The following NALF1 variants were observed in gnomAD, a reference collection of about 807,000 sequenced individuals.
NALF1 encodes the protein NALCN channel auxiliary factor 1, also known as family with sequence similarity 155 member A.
NALF1 carries 3 observed loss-of-function variants against 48.4 expected under a neutral mutation model. That is an observed-to-expected ratio of 0.06 (90% CI 0.03 to 0.16). The LOEUF (loss-of-function observed/expected upper bound fraction) is 0.16. Ranked by LOEUF, NALF1 falls within the 10% of genes least tolerant of loss-of-function variation. The probability of loss-of-function intolerance (pLI) is 1.00; values close to 1 mark genes in which losing one functional copy is unlikely to be tolerated. For missense variants in NALF1, 526 were observed against 571.5 expected (o/e 0.92, Z 0.81); for synonymous variants, 262 against 245.7 (o/e 1.07, Z -0.62).
At chr13:107,430,794 T>C (rs552792390) in intron 1 of NALF1, among the ~76,000 whole-genome samples, 1 of 152,332 alleles carries the variant, frequency 6.6e-6, no homozygotes, top group East Asian at 1.9e-4. Context: ...GCATGATTTA[T>C]AGTCCTTTGG....
chr13:107,581,352 A>G (rs1287521615), intron 1 of NALF1, among the ~76,000 whole-genome samples: 1 of 152,180 alleles, frequency 6.6e-6, no homozygotes, highest in African/African-American at 2.4e-5. Context: ...TTAGTGCACT[A>G]TCATTCCGTA....
At chr13:107,304,177 CCT>C (rs1881893124) in intron 1 of NALF1, among the ~76,000 whole-genome samples, 2 of 152,010 alleles carry the variant, frequency 1.3e-5, no homozygotes, top group African/African-American at 2.4e-5. Flanking sequence ...AATTAGGCAC[CCT>C]GTATTTCCAT....
At chr13:107,297,152 T>C (rs1018067104) in intron 1 of NALF1, among the ~76,000 whole-genome samples, 35 of 152,264 alleles carry the variant, frequency 2.3e-4, no homozygotes, top group Middle Eastern at 3.4e-3. Flanking sequence ...CAATTTTTAT[T>C]ACAATATTCT....
At chr13:107,654,885 T>C (rs1420395000) in intron 1 of NALF1, among the ~76,000 whole-genome samples, 1 of 151,818 alleles carries the variant, frequency 6.6e-6, no homozygotes, top group Admixed American at 6.6e-5. Flanking sequence ...TAAATGGAAT[T>C]AAAAACAAAA....
chr13:107,472,323 C>T (rs544764390), intron 1 of NALF1, among the ~76,000 whole-genome samples: 3 of 152,216 alleles, frequency 2.0e-5, no homozygotes, highest in Admixed American at 2.0e-4. Flanking sequence ...AGCGAGACTC[C>T]CTCTCAAAAC....
intron 2 of NALF1, among the ~76,000 whole-genome samples, chr13:107,192,977 A>G (rs1351537178): frequency 6.6e-6 from 1 of 152,222 alleles, no homozygotes; most frequent in Non-Finnish European, 1.5e-5. Context: ...TTATGTAGCA[A>G]AAAATAAAAA....
chr13:107,293,730 C>T (rs989636016), intron 1 of NALF1, among the ~76,000 whole-genome samples: 2 of 152,158 alleles, frequency 1.3e-5, no homozygotes, highest in East Asian at 1.9e-4. Context: ...ACCCTCAGAA[C>T]CTCAGGAATA....
Position 107,606,725 on chromosome 13 carries a change from T to C in NALF1, c.915+258957A>G, listed in dbSNP as rs189797501. 8.2e-4 allele frequency among the ~76,000 whole-genome samples: 125 copies of C among 152,248 alleles called. 1 individual carries two copies. Among genetic ancestry groups the C allele is most frequent in the Non-Finnish European group, 1.4e-3 (98 of 68,012 alleles). ...TATTTGTTGACAAATTAAAAAAAAA[T>C]TACACTGTAAACTTAATGCAAAATT... On this transcript the variant is annotated intron_variant, in intron 1 of 2. Coordinates refer to ENST00000375915, the MANE Select transcript of NALF1 (RefSeq NM_001080396.3).
At chr13:107,778,821 C>T (rs78410651) in intron 1 of NALF1, among the ~76,000 whole-genome samples, 3,615 of 152,232 alleles carry the variant, frequency 0.024, 116 homozygotes, top group African/African-American at 0.083. Flanking sequence ...CCTGTTGTTA[C>T]TTGATGATTC....
chr13:107,170,433 T>G lies in NALF1; in HGVS notation c.*64A>C, dbSNP rs1594052557. 2.2e-5 allele frequency: 33 copies of G among 1,507,144 alleles called. No homozygotes were observed. Among genetic ancestry groups the G allele is most frequent in the Non-Finnish European group, 2.6e-5 (29 of 1,115,572 alleles). The allele number at this position is 1,507,144 out of a possible 1,614,324, so 93.4% of individuals were successfully genotyped here. A position where few individuals can be genotyped will look rare whatever the true frequency, so the allele number is the denominator to read the frequency against. ...GTAAAAGCACCCAGTTTCTGTTACA[T>G]GAGACAGCAGTTGCCATTTTTCACG... On this transcript the variant is annotated 3_prime_UTR_variant, in exon 3 of 3. Transcript: ENST00000375915.
At chr13:107,195,706 G>T (rs914563444) in intron 2 of NALF1, among the ~76,000 whole-genome samples, 1 of 152,076 alleles carries the variant, frequency 6.6e-6, no homozygotes, top group South Asian at 2.1e-4. Flanking sequence ...TAATACAATC[G>T]GTTCTTAGTA....
At chr13:107,193,437 T>A (rs55725312) in intron 2 of NALF1, among the ~76,000 whole-genome samples, 3,316 of 152,238 alleles carry the variant, frequency 0.022, 136 homozygotes, top group African/African-American at 0.076. Context: ...TTAGCCACTT[T>A]CCAGAGGAGA....
intron 1 of NALF1, among the ~76,000 whole-genome samples, chr13:107,674,263 C>T (rs1431313054): frequency 1.6e-4 from 25 of 152,074 alleles, no homozygotes; most frequent in Non-Finnish European, 1.5e-4. Flanking sequence ...AGGGTGCACA[C>T]ATAACTTTTC....
chr13:107,751,209 G>A (rs916816792), intron 1 of NALF1, among the ~76,000 whole-genome samples: 3 of 152,102 alleles, frequency 2.0e-5, no homozygotes, highest in Non-Finnish European at 2.9e-5. Context: ...GTAAATTATC[G>A]TAAGACTCAC....
intron 1 of NALF1, among the ~76,000 whole-genome samples, chr13:107,779,096 G>T (rs1877817830): frequency 2.0e-5 from 3 of 152,172 alleles, no homozygotes. Flanking sequence ...CTGAATTACT[G>T]TAGAGAGATG....
chr13:107,772,225 A>C (rs1171529134), intron 1 of NALF1, among the ~76,000 whole-genome samples: 1 of 152,038 alleles, frequency 6.6e-6, no homozygotes, highest in Non-Finnish European at 1.5e-5. Flanking sequence ...CACTTTGGCT[A>C]CTTTACTTTC....
intron 2 of NALF1, among the ~76,000 whole-genome samples, chr13:107,208,502 C>T (rs1276540975): frequency 6.6e-6 from 1 of 152,160 alleles, no homozygotes; most frequent in Admixed American, 6.5e-5. Flanking sequence ...TTCACAAATA[C>T]AGATACATGT....
chr13:107,671,217 A>G (rs1281474839), intron 1 of NALF1, among the ~76,000 whole-genome samples: 1 of 152,186 alleles, frequency 6.6e-6, no homozygotes, highest in Non-Finnish European at 1.5e-5. Flanking sequence ...AGATAATAAT[A>G]TATCTTGTGA....
intron 1 of NALF1, among the ~76,000 whole-genome samples, chr13:107,735,622 A>T (rs1430156026): frequency 1.3e-5 from 2 of 152,188 alleles, no homozygotes; most frequent in African/African-American, 4.8e-5. Context: ...TTCAAAACAG[A>T]CCCCTTAAGG....
Sources: gnomAD v4.1 joint callset for allele counts (sites outside exome capture counted in the v4.1 genomes callset) on GRCh38, gnomAD v4.1.1 for gene constraint, MANE v1.5 for transcripts, NCBI Gene and HGNC (gene_info 2026-07-23, HGNC 2026-07-21) for gene names.